Variants in RIF1 observed in about 807,000 individuals in gnomAD.
RIF1 encodes replication timing regulatory factor 1.
A neutral mutation model predicts 247.1 loss-of-function variants in RIF1; 45 were observed. That is an observed-to-expected ratio of 0.18 (90% CI 0.14 to 0.23). The LOEUF (loss-of-function observed/expected upper bound fraction) is 0.23. RIF1 is among the 10% of genes least tolerant of loss of function. RIF1 has a pLI of 1.00. For missense variants in RIF1, 2,967 were observed against 2,862.5 expected, an observed-to-expected ratio of 1.04 and a Z score of -0.83; for synonymous variants, 1,087 against 978.8, an observed-to-expected ratio of 1.11 and a Z score of -2.06.
Position 151,427,873 on chromosome 2 carries a change from A to G in RIF1, c.787-911A>G, listed in dbSNP as rs188861670. 3.0e-3 allele frequency among the ~76,000 whole-genome samples: 453 copies of G among 152,208 alleles called. 3 individuals are homozygous for G. Among genetic ancestry groups the G allele is most frequent in the African/African-American group, 0.01 (433 of 41,524 alleles). On this transcript the variant is annotated intron_variant, in intron 8 of 35. Coordinates refer to ENST00000444746, the MANE Select transcript of RIF1 (RefSeq NM_018151.5). ...GGAGTTCGAGACCAGCCTGGCCAAC[A>G]TGGTGAAACCCTGCCTCAACCAAAA...
the RIF1 span, chr2:151,530,767 C>T: frequency 2.5e-6 from 1 of 394,368 alleles, no homozygotes; most frequent in Non-Finnish European, 4.5e-6. Context: ...ACCTGGATGT[C>T]CTGGCTTGAC....
intron 14 of RIF1, 29 bp downstream of exon 14, chr2:151,438,775 G>C: frequency 1.4e-6 from 2 of 1,464,788 alleles, no homozygotes; most frequent in African/African-American, 2.8e-5. Flanking sequence ...ATCAAATGTT[G>C]TTTTTTGAAA....
At chr2:151,425,556 AT>A (rs1302123195) in intron 8 of RIF1, among the ~76,000 whole-genome samples, 1 of 149,764 alleles carries the variant, frequency 6.7e-6, no homozygotes, top group African/African-American at 2.4e-5. Flanking sequence ...ATATTTGGAT[AT>A]GGTGTAAGGT....
intron 24 of RIF1, among the ~76,000 whole-genome samples, chr2:151,458,223 A>G (rs1172325092): frequency 2.3e-5 from 3 of 132,470 alleles, no homozygotes; most frequent in East Asian, 2.3e-4. Flanking sequence ...CAGGAAATAG[A>G]TGATTTTTTT....
the RIF1 span, among the ~76,000 whole-genome samples, chr2:151,513,068 G>C: frequency 6.6e-6 from 1 of 152,188 alleles, no homozygotes; most frequent in African/African-American, 2.4e-5. Flanking sequence ...TGCAGGATGG[G>C]ATATGGGTAA....
chr2:151,489,388 T>C (rs536014958), intron 9 of RIF1, among the ~76,000 whole-genome samples: 11 of 152,310 alleles, frequency 7.2e-5, no homozygotes, highest in South Asian at 2.1e-4. Flanking sequence ...TGTGGGCACA[T>C]TGCATACATC....
chr2:151,459,868 T>C (rs769700920), intron 25 of RIF1, 132 bp from the exon 26 acceptor site: 15 of 743,378 alleles, frequency 2.0e-5, no homozygotes, highest in Non-Finnish European at 3.0e-5. Context: ...TTGATTTTTA[T>C]GGGATTGAAT....
At chr2:151,496,216 T>A in intron 10 of RIF1, 2 of 1,445,848 alleles carry the variant, frequency 1.4e-6, no homozygotes, top group South Asian at 2.5e-5. Context: ...TGTATTATTT[T>A]AAATCATAAA....
chr2:151,423,263 A>C (rs1200382123), intron 8 of RIF1: 2 of 460,338 alleles, frequency 4.3e-6, no homozygotes, highest in African/African-American at 4.2e-5. Flanking sequence ...TTGGAGTCAC[A>C]CAACGTGCAT....
chr2:151,465,710 G>A lies in RIF1; in HGVS notation c.6190G>A (p.Asp2064Asn), dbSNP rs1399702271. 2 of 1,614,070 alleles carry A rather than the reference G, an allele frequency of 1.2e-6. No homozygotes were observed. Among genetic ancestry groups the A allele is most frequent in the African/African-American group, 2.7e-5 (2 of 74,932 alleles). Reference protein sequence around the residue: ...AETNMLTAEMDNFVCDTVEMS... With the variant: ...AETNMLTAEMNNFVCDTVEMS... ...AACAAACATGTTGACTGCAGAAATG[G>A]ACAACTTTGTTTGTGACACAGTTGA... is the stretch of plus-strand genomic sequence containing the variant. The change falls in exon 30 of 36, where the codon GAC becomes AAC. Residue 2064 changes from aspartate (D) to asparagine (N), a missense_variant. Transcript: ENST00000444746.
At chr2:151,514,714 C>G in the RIF1 span, 1 of 833,312 alleles carries the variant, frequency 1.2e-6, no homozygotes, top group Non-Finnish European at 1.9e-6. Context: ...AATTTGAAAC[C>G]CACAGTTAGG....
At chr2:151,483,717 C>T (rs1230220136), downstream of RIF1, among the ~76,000 whole-genome samples, 7 of 152,148 alleles carry the variant, frequency 4.6e-5, no homozygotes, top group Admixed American at 4.6e-4. Context: ...TGGTACAGGT[C>T]CATGGCCTGT....
intron 10 of RIF1, chr2:151,496,900 T>C (rs771316064): frequency 6.7e-7 from 1 of 1,498,524 alleles, no homozygotes; most frequent in Non-Finnish European, 9.1e-7. Flanking sequence ...AAATAGTTTT[T>C]AAAATCAGTA....
the RIF1 span, chr2:151,514,947 A>C: frequency 2.2e-4 from 326 of 1,474,930 alleles, 2 homozygotes; most frequent in Non-Finnish European, 3.3e-5. Flanking sequence ...AGTAGGAAGG[A>C]AAGACAAGTT....
intron 30 of RIF1, among the ~76,000 whole-genome samples, chr2:151,467,027 A>G (rs551018041): frequency 4.6e-5 from 7 of 152,190 alleles, no homozygotes; most frequent in Admixed American, 3.3e-4. Context: ...TCGGGAGTTC[A>G]AGACCAGCCT....
chr2:151,436,615 T>C (rs536878377), intron 11 of RIF1, among the ~76,000 whole-genome samples: 13 of 152,152 alleles, frequency 8.5e-5, no homozygotes, highest in East Asian at 3.9e-4. Context: ...ACATATGATA[T>C]ACATGTGTGT....
intron 19 of RIF1, among the ~76,000 whole-genome samples, chr2:151,445,958 T>A (rs902275263): frequency 2.0e-5 from 3 of 152,236 alleles, no homozygotes; most frequent in Admixed American, 2.0e-4. Context: ...CCTTATTTCC[T>A]CTCTTCAGTT....
In RIF1 at chr2:151,498,200, G is replaced by GTAAAA. The variant is rs2061646167; in HGVS notation, c.*514-1141_*514-1140insATAAA. 1.9e-6 allele frequency: 3 copies of GTAAAA among 1,548,498 alleles called. No individual in the cohort carries two copies. The African/African-American group carries it at 4.1e-5, about 21-fold the overall frequency. On this transcript the variant is annotated intron_variant and NMD_transcript_variant, in intron 10 of 13. Coordinates refer to the RIF1 transcript ENST00000454583. ...GGGCTTCAAACAAAAATAAATAAAT[G>GTAAAA]TAAAGATCAGTTTAATTCTGAAGTT...
Position 151,463,855 on chromosome 2 carries a change from GGAA to G in RIF1, c.4342_4344del (p.Glu1448del), listed in dbSNP as rs760257600. ...GTCATCAAAAAAAGGAACGACGTAAGGAAGAAGAAAAACCTCTTCAGAAGAGTC... is the reference window on the plus strand; with the variant it reads ...GTCATCAAAAAAAGGAACGACGTAAGGAAGAAAAACCTCTTCAGAAGAGTC... On this transcript the variant is annotated inframe_deletion, in exon 30 of 36. Transcript: ENST00000444746. 3.7e-6 allele frequency: 6 copies of G among 1,612,418 alleles called. No homozygotes were observed. The highest frequency in any genetic ancestry group is 3.4e-5 in the Admixed American group (2 of 59,644).
Sources: allele counts gnomAD v4.1 joint callset (sites outside exome capture counted in the v4.1 genomes callset), GRCh38; gene constraint gnomAD v4.1.1; transcripts MANE v1.5; gene names NCBI Gene and HGNC (gene_info 2026-07-23, HGNC 2026-07-21).